Variants in CLSTN2 observed in about 807,000 individuals in gnomAD.
CLSTN2 encodes calsyntenin-2.
CLSTN2 carries 48 observed loss-of-function variants against 101.2 expected under a neutral mutation model. That is an observed-to-expected ratio of 0.47 (90% CI 0.38 to 0.60). CLSTN2 has a LOEUF of 0.60. Among genes scored for constraint, CLSTN2 ranks in the 20% least tolerant of loss-of-function variants. The pLI is 0.00. For missense variants in CLSTN2, 1,160 were observed against 1,238.2 expected (o/e 0.94, Z 0.95); for synonymous variants, 481 against 463.6 (o/e 1.04, Z -0.48).
At chr3:140,406,523 T>A (rs1364040304) in intron 4 of CLSTN2, among the ~76,000 whole-genome samples, 1 of 152,204 alleles carries the variant, frequency 6.6e-6, no homozygotes, top group Non-Finnish European at 1.5e-5. Context: ...GGCTCAAAAC[T>A]AAGAAGAAGG....
intron 15 of CLSTN2, 95 bp from the exon 16 acceptor site, chr3:140,563,866 C>T (rs1356887354): frequency 9.9e-6 from 13 of 1,310,820 alleles, no homozygotes; most frequent in African/African-American, 2.9e-5. Context: ...GTAGGGCAGA[C>T]TTTATCCTAT....
At chr3:139,970,360 A>G (rs1245009881) in intron 1 of CLSTN2, among the ~76,000 whole-genome samples, 1 of 152,170 alleles carries the variant, frequency 6.6e-6, no homozygotes, top group African/African-American at 2.4e-5. Flanking sequence ...GATGGTGGTC[A>G]TTATAATTAT....
chr3:140,482,859 G>T (rs563550956), intron 8 of CLSTN2, among the ~76,000 whole-genome samples: 1 of 152,130 alleles, frequency 6.6e-6, no homozygotes, highest in Admixed American at 6.5e-5. Flanking sequence ...CTTGCTAGCG[G>T]TGTATCAATT....
chr3:140,408,372 G>A (rs2107981914), intron 4 of CLSTN2, among the ~76,000 whole-genome samples: 1 of 152,210 alleles, frequency 6.6e-6, no homozygotes, highest in African/African-American at 2.4e-5. Context: ...AACAAAGAAG[G>A]GCGGGGCTAT....
At chr3:140,461,294 G>C (rs1933557301) in intron 7 of CLSTN2, 2 of 152,164 alleles carry the variant, frequency 1.3e-5, no homozygotes, top group Admixed American at 6.5e-5. Flanking sequence ...GTGGAGGTTT[G>C]GGACGCAGTT....
chr3:140,551,858 C>A (rs957306592), intron 10 of CLSTN2, among the ~76,000 whole-genome samples: 1 of 149,052 alleles, frequency 6.7e-6, no homozygotes, highest in Non-Finnish European at 1.5e-5. Flanking sequence ...TTAGTGTATA[C>A]ATAATATATA....
intron 5 of CLSTN2, among the ~76,000 whole-genome samples, chr3:140,422,189 TTCTCTCTCTC>T (rs3035957): frequency 8.6e-4 from 127 of 148,374 alleles, no homozygotes; most frequent in African/African-American, 2.2e-3. Flanking sequence ...CTCTCTTTCT[TTCTCTCTCTC>T]TCTCTCTCTC....
At chr3:140,387,759 C>G (rs1417332735) in intron 2 of CLSTN2, among the ~76,000 whole-genome samples, 1 of 152,164 alleles carries the variant, frequency 6.6e-6, no homozygotes, top group Non-Finnish European at 1.5e-5. Flanking sequence ...GAGTGAATTT[C>G]AAAATTTACA....
At chr3:140,393,315 C>T (rs1236331430) in intron 2 of CLSTN2, among the ~76,000 whole-genome samples, 1 of 152,104 alleles carries the variant, frequency 6.6e-6, no homozygotes, top group African/African-American at 2.4e-5. Context: ...TGATTTGCAC[C>T]AATTCTATGT....
chr3:140,340,870 A>G (rs1380295470), intron 2 of CLSTN2, among the ~76,000 whole-genome samples: 1 of 152,172 alleles, frequency 6.6e-6, no homozygotes, highest in African/African-American at 2.4e-5. Context: ...ATAGTTTTGA[A>G]GTATACTGGT....
intron 8 of CLSTN2, among the ~76,000 whole-genome samples, chr3:140,478,786 GAA>G (rs1491063048): frequency 6.8e-6 from 1 of 147,930 alleles, no homozygotes; most frequent in Admixed American, 6.8e-5. Context: ...GGGAGGAAGG[GAA>G]GGGAAGGGAA....
At chr3:140,081,044 G>A (rs150505127) in intron 1 of CLSTN2, among the ~76,000 whole-genome samples, 109 of 152,282 alleles carry the variant, frequency 7.2e-4, no homozygotes, top group African/African-American at 2.4e-3. Flanking sequence ...ATGTGACACC[G>A]ATGCTATGTC....
intron 2 of CLSTN2, among the ~76,000 whole-genome samples, chr3:140,286,292 T>C (rs1480180043): frequency 1.3e-5 from 2 of 152,080 alleles, no homozygotes; most frequent in Non-Finnish European, 2.9e-5. Context: ...TTGATAGGTG[T>C]GGTGTTTTCA....
intron 2 of CLSTN2, among the ~76,000 whole-genome samples, chr3:140,240,134 T>TTCTCTATCTCTCTC (rs2086447888): frequency 4.9e-5 from 1 of 20,500 alleles, no homozygotes; most frequent in Non-Finnish European, 1.8e-4. Context: ...TGCACCTGGT[T>TTCTCTATCTCTCTC]TCTCTCTCTC....
chr3:140,446,678 G>C (rs13086670), intron 5 of CLSTN2, among the ~76,000 whole-genome samples: 58,879 of 151,912 alleles, frequency 0.39, 12,935 homozygotes, highest in Middle Eastern at 0.51. Flanking sequence ...TCAATAACCT[G>C]CTCAAGAACT....
At chr3:140,551,021 C>T (rs1935690504) in intron 10 of CLSTN2, among the ~76,000 whole-genome samples, 1 of 152,034 alleles carries the variant, frequency 6.6e-6, no homozygotes, top group Non-Finnish European at 1.5e-5. Context: ...CTTCTCACAA[C>T]AAATTAAATA....
chr3:140,392,807 A>C (rs2088131520), intron 2 of CLSTN2, among the ~76,000 whole-genome samples: 1 of 152,106 alleles, frequency 6.6e-6, no homozygotes, highest in South Asian at 2.1e-4. Flanking sequence ...TTATAATATA[A>C]TAGTTGAAAC....
intron 2 of CLSTN2, among the ~76,000 whole-genome samples, chr3:140,274,034 G>T (rs1021483094): frequency 1.3e-5 from 2 of 152,104 alleles, no homozygotes; most frequent in Non-Finnish European, 2.9e-5. Context: ...CCTCCTCCCG[G>T]CTCCAGGGAA....
intron 5 of CLSTN2, among the ~76,000 whole-genome samples, chr3:140,425,284 T>TCG (rs970321480): frequency 3.3e-5 from 5 of 152,166 alleles, no homozygotes; most frequent in African/African-American, 1.2e-4. Flanking sequence ...TTTCCTTCCT[T>TCG]CGCAGGGCCC....
Sources: allele counts gnomAD v4.1 joint callset (sites outside exome capture counted in the v4.1 genomes callset), GRCh38; gene constraint gnomAD v4.1.1; transcripts MANE v1.5; gene names NCBI Gene and HGNC (gene_info 2026-07-23, HGNC 2026-07-21).